CPNE8: variants seen among roughly 807,000 people sequenced by gnomAD.
The protein encoded by CPNE8 is copine-8.
A neutral mutation model predicts 81.5 loss-of-function variants in CPNE8; 45 were observed. The observed-to-expected ratio is 0.55, with a 90% confidence interval of 0.44 to 0.71. The LOEUF is 0.71. Ranked by LOEUF, CPNE8 falls within the 30% of genes least tolerant of loss-of-function variation. CPNE8 has a pLI of 0.00. For synonymous variants in CPNE8, 252 were observed against 226.3 expected (o/e 1.11, Z -1.02); for missense variants, 594 against 672.1 (o/e 0.88, Z 1.28).
intron 3 of CPNE8, among the ~76,000 whole-genome samples, chr12:38,861,260 C>T (rs564199697): frequency 6.6e-6 from 1 of 152,106 alleles, no homozygotes; most frequent in Admixed American, 6.5e-5. Flanking sequence ...AATTGTTGTT[C>T]AATGGGTATA....
chr12:38,677,063 A>G (rs1297553936), intron 17 of CPNE8, among the ~76,000 whole-genome samples: 7 of 152,188 alleles, frequency 4.6e-5, no homozygotes, highest in African/African-American at 1.7e-4. Flanking sequence ...GTCACTATCC[A>G]GTTCTACAGA....
intron 13 of CPNE8, among the ~76,000 whole-genome samples, chr12:38,720,050 A>T (rs909077580): frequency 6.6e-6 from 1 of 152,100 alleles, no homozygotes; most frequent in Non-Finnish European, 1.5e-5. Context: ...CAGTGGTGCG[A>T]TCTTGGCTCA....
chr12:38,827,033 T>A (rs1018349744), intron 6 of CPNE8, among the ~76,000 whole-genome samples: 67 of 137,940 alleles, frequency 4.9e-4, no homozygotes, highest in Non-Finnish European at 7.4e-4. Context: ...AAAAAAAAAA[T>A]TAGCAGGGTG....
intron 6 of CPNE8, among the ~76,000 whole-genome samples, chr12:38,822,694 T>C (rs1943125942): frequency 1.3e-5 from 2 of 152,182 alleles, no homozygotes. Flanking sequence ...GCTCATGTAC[T>C]ATCAACTTCA....
At chr12:38,723,707 T>C in intron 13 of CPNE8, 65 bp downstream of exon 13, 1 of 933,324 alleles carries the variant, frequency 1.1e-6, no homozygotes, top group Non-Finnish European at 1.8e-6. Flanking sequence ...TACCTCGTGG[T>C]AGCGCTTGTT....
chr12:38,867,333 T>TGA (rs1342320819), intron 3 of CPNE8, among the ~76,000 whole-genome samples: 6 of 144,024 alleles, frequency 4.2e-5, no homozygotes, highest in East Asian at 2.1e-4. Context: ...TGTGTGTGTG[T>TGA]GTGTGTGAGA....
At chr12:38,727,106 A>G (rs1425755770) in intron 11 of CPNE8, among the ~76,000 whole-genome samples, 1 of 152,266 alleles carries the variant, frequency 6.6e-6, no homozygotes, top group African/African-American at 2.4e-5. Flanking sequence ...CAATGAGAAC[A>G]CTAGCAAAAA....
chr12:38,789,302 C>A (rs748472500), intron 6 of CPNE8, among the ~76,000 whole-genome samples: 1 of 151,650 alleles, frequency 6.6e-6, no homozygotes, highest in Non-Finnish European at 1.5e-5. Flanking sequence ...AACCTATACA[C>A]CTCCAGTGAA....
intron 10 of CPNE8, among the ~76,000 whole-genome samples, chr12:38,734,134 T>G (rs1283756520): frequency 6.6e-6 from 1 of 152,002 alleles, no homozygotes; most frequent in Non-Finnish European, 1.5e-5. Context: ...TCACCTATGT[T>G]TTGAAGGCAA....
At chr12:38,779,163 C>T (rs1031172112) in intron 6 of CPNE8, among the ~76,000 whole-genome samples, 4 of 152,084 alleles carry the variant, frequency 2.6e-5, no homozygotes, top group Admixed American at 2.0e-4. Context: ...CTTTACAATG[C>T]TGAATAAAAT....
At chr12:38,733,900 G>A (rs117901543) in intron 10 of CPNE8, among the ~76,000 whole-genome samples, 1 of 151,900 alleles carries the variant, frequency 6.6e-6, no homozygotes, top group Non-Finnish European at 1.5e-5. Context: ...GAAACCTGTA[G>A]GACAGTTTAC....
intron 5 of CPNE8, among the ~76,000 whole-genome samples, chr12:38,837,346 G>GA (rs994958212): frequency 2.0e-5 from 3 of 151,980 alleles, no homozygotes; most frequent in Non-Finnish European, 4.4e-5. Flanking sequence ...GATCTGGAAG[G>GA]AAAAAATCAT....
At chr12:38,871,419 C>G (rs1007344913) in intron 3 of CPNE8, among the ~76,000 whole-genome samples, 1 of 152,262 alleles carries the variant, frequency 6.6e-6, no homozygotes, top group South Asian at 2.1e-4. Context: ...CATCTATGGT[C>G]AGTAAGCCGT....
intron 8 of CPNE8, among the ~76,000 whole-genome samples, chr12:38,763,248 A>C (rs2136856124): frequency 6.6e-6 from 1 of 152,368 alleles, no homozygotes; most frequent in African/African-American, 2.4e-5. Flanking sequence ...TCATTCTGCA[A>C]GAACATTCAG....
chr12:38,679,383 A>G (rs1279689265), intron 16 of CPNE8, among the ~76,000 whole-genome samples: 2 of 151,938 alleles, frequency 1.3e-5, no homozygotes, highest in Non-Finnish European at 2.9e-5. Context: ...AGCAGATCAT[A>G]GTAAACTTGG....
chr12:38,848,436 G>A (rs896125804), intron 4 of CPNE8, 123 bp downstream of exon 4: 1 of 1,391,230 alleles, frequency 7.2e-7, no homozygotes, highest in Non-Finnish European at 9.3e-7. Flanking sequence ...ACTCTGAACA[G>A]AATTAATCTG....
chr12:38,789,121 C>A (rs113644584), intron 6 of CPNE8, among the ~76,000 whole-genome samples: 1 of 151,670 alleles, frequency 6.6e-6, no homozygotes, highest in African/African-American at 2.4e-5. Context: ...TATATGGAAC[C>A]ACAAAAGACC....
chr12:38,718,383 CAG>C (rs1940462551), intron 13 of CPNE8, among the ~76,000 whole-genome samples: 1 of 152,092 alleles, frequency 6.6e-6, no homozygotes, highest in African/African-American at 2.4e-5. Flanking sequence ...GGGGAAGAAG[CAG>C]GAGAAGACAA....
intron 10 of CPNE8, among the ~76,000 whole-genome samples, chr12:38,731,346 G>A (rs979373582): frequency 6.6e-6 from 1 of 151,882 alleles, no homozygotes; most frequent in African/African-American, 2.4e-5. Context: ...TAAAATCCAT[G>A]AAACTTTTAT....
Sources: gnomAD v4.1 joint callset for allele counts (sites outside exome capture counted in the v4.1 genomes callset) on GRCh38, gnomAD v4.1.1 for gene constraint, MANE v1.5 for transcripts, NCBI Gene and HGNC (gene_info 2026-07-23, HGNC 2026-07-21) for gene names.